The following PTPRN2 variants were observed in gnomAD, a reference collection of about 807,000 sequenced individuals.
PTPRN2 encodes the protein protein tyrosine phosphatase receptor type N2.
PTPRN2 carries 74 observed loss-of-function variants against 118.8 expected under a neutral mutation model. That is an observed-to-expected ratio of 0.62 (90% CI 0.52 to 0.76). The LOEUF (loss-of-function observed/expected upper bound fraction) is 0.76, where lower values mean the gene tolerates loss of function less well. Ranked by LOEUF, PTPRN2 falls within the 30% of genes least tolerant of loss-of-function variation. The pLI, the probability that PTPRN2 is intolerant of heterozygous loss-of-function variation, is 0.00. For synonymous variants in PTPRN2, 641 were observed against 608.0 expected (o/e 1.05, Z -0.80); for missense variants, 1,481 against 1,394.4 (o/e 1.06, Z -0.99).
In PTPRN2 at chr7:158,021,877, T is replaced by C. The variant is rs182259755; in HGVS notation, c.1723+59421A>G. On this transcript the variant is annotated intron_variant, in intron 11 of 22. Coordinates refer to ENST00000389418, the MANE Select transcript of PTPRN2 (RefSeq NM_002847.5). Reference sequence around the variant, plus strand: ...TTATTTACTAAAACAGGTGGGGCTGTCCATGGGTTAGAATCTACCCACCTC... The same window carrying C: ...TTATTTACTAAAACAGGTGGGGCTGCCCATGGGTTAGAATCTACCCACCTC... Among the ~76,000 whole-genome samples, 51 of 152,342 alleles carry C rather than the reference T, an allele frequency of 3.3e-4. 1 individual carries two copies. The highest frequency in any genetic ancestry group is 1.2e-3 in the African/African-American group (50 of 41,578).
At chr7:158,477,053 C>T (rs1586761759) in intron 2 of PTPRN2, among the ~76,000 whole-genome samples, 1 of 152,326 alleles carries the variant, frequency 6.6e-6, no homozygotes, top group East Asian at 1.9e-4. Context: ...TCATTCGTTT[C>T]CATCTCCTTT....
At chr7:157,995,339 G>C (rs1015881688) in intron 11 of PTPRN2, among the ~76,000 whole-genome samples, 1 of 149,254 alleles carries the variant, frequency 6.7e-6, no homozygotes, top group African/African-American at 2.6e-5. Flanking sequence ...CACGTCCCCA[G>C]CTTACAGCTC....
intron 11 of PTPRN2, among the ~76,000 whole-genome samples, chr7:157,995,964 G>A (rs905622702): frequency 1.3e-5 from 2 of 152,210 alleles, no homozygotes; most frequent in Non-Finnish European, 2.9e-5. Flanking sequence ...ATGAAGTTCT[G>A]TCTGTTGCGC....
At chr7:158,120,263 C>T (rs1005139316) in intron 9 of PTPRN2, among the ~76,000 whole-genome samples, 3 of 152,092 alleles carry the variant, frequency 2.0e-5, no homozygotes, top group Non-Finnish European at 4.4e-5. Context: ...GGATGGACAG[C>T]GGTGATGGTT....
chr7:157,720,189 T>C (rs1799152704), intron 12 of PTPRN2, among the ~76,000 whole-genome samples: 1 of 152,220 alleles, frequency 6.6e-6, no homozygotes, highest in Non-Finnish European at 1.5e-5. Context: ...TCCAGATATC[T>C]GCAGTGTTAG....
intron 2 of PTPRN2, among the ~76,000 whole-genome samples, chr7:158,388,952 C>A (rs555641842): frequency 1.3e-5 from 2 of 152,328 alleles, no homozygotes; most frequent in South Asian, 2.1e-4. Flanking sequence ...CAGCTGTGAT[C>A]GATCTGAAGG....
At chr7:157,774,503 G>C (rs1015290592) in intron 12 of PTPRN2, among the ~76,000 whole-genome samples, 2 of 152,232 alleles carry the variant, frequency 1.3e-5, no homozygotes, top group African/African-American at 2.4e-5. Context: ...GAGCTGCAGT[G>C]AGTTTAAGAA....
rs752524978 is a variant in PTPRN2, at chr7:158,587,563, C to T, written c.107G>A (p.Arg36His). ...SVPRGRQLPG[R>H]LGCLLEEGLC... The stretch of plus-strand genomic sequence containing the variant: ...CCCCGGCGCCCCCCACTCACCCAGA[C>T]GCCCCGGGAGCTGCCGGCCGCGGGG... Residue 36 changes from arginine (R) to histidine (H), a missense_variant, in exon 1 of 23, where the codon CGT (arginine) becomes CAT (histidine). Around this residue, in one of 3 missense-constraint regions of PTPRN2, gnomAD observed 1,115 missense variants for 994.2 expected, o/e 1.12. Transcript: ENST00000389418. 262 of 1,329,572 alleles carry T rather than the reference C, an allele frequency of 2.0e-4. 4 individuals are homozygous for T. In the East Asian group the frequency reaches 6.4e-3, roughly 32 times the overall value. The allele number at this position is 1,329,572 out of a possible 1,614,324, so 82.4% of individuals were successfully genotyped here.
At chr7:158,342,729 G>C (rs1289704340) in intron 2 of PTPRN2, among the ~76,000 whole-genome samples, 2 of 152,304 alleles carry the variant, frequency 1.3e-5, no homozygotes, top group Admixed American at 6.5e-5. Context: ...AGAGAGGTTG[G>C]GTGCCTTGCT....
chr7:157,726,632 C>T (rs1799616909), intron 12 of PTPRN2, among the ~76,000 whole-genome samples: 1 of 152,082 alleles, frequency 6.6e-6, no homozygotes, highest in South Asian at 2.1e-4. Context: ...AACACAGGCA[C>T]AAAAGAAAAA....
rs73513248 is a variant in PTPRN2, at chr7:157,827,489, C to A, written c.1788+71184G>T. On this transcript the variant is annotated intron_variant, in intron 12 of 22. Coordinates refer to ENST00000389418, the MANE Select transcript of PTPRN2 (RefSeq NM_002847.5). ...CTGTCTGGGGGCCTGAGAAAGCGTT[C>A]GGGCTGTGTGGGTGGTGGGGGTTGG... Among the ~76,000 whole-genome samples the A allele has an allele frequency of 1.8e-3, 274 of 152,308 alleles. 10 individuals are homozygous for A. The highest frequency in any genetic ancestry group is 0.017 in the Admixed American group (255 of 15,300).
intron 10 of PTPRN2, among the ~76,000 whole-genome samples, chr7:158,081,928 C>T (rs1812871860): frequency 1.3e-5 from 2 of 152,104 alleles, no homozygotes; most frequent in African/African-American, 4.8e-5. Context: ...TGAAAAAATA[C>T]CTTACTTTTT....
At chr7:157,661,384 A>G (rs1297184187) in intron 13 of PTPRN2, among the ~76,000 whole-genome samples, 1 of 152,060 alleles carries the variant, frequency 6.6e-6, no homozygotes, top group Non-Finnish European at 1.5e-5. Flanking sequence ...GCCGTGGGAG[A>G]AGGGTGTGCC....
intron 2 of PTPRN2, among the ~76,000 whole-genome samples, chr7:158,419,838 A>G (rs1815103674): frequency 6.6e-6 from 1 of 152,194 alleles, no homozygotes; most frequent in African/African-American, 2.4e-5. Flanking sequence ...CTCCAAATCC[A>G]AAAGAAGTGG....
chr7:157,627,434 T>C lies in PTPRN2; in HGVS notation c.2197-5925A>G, dbSNP rs1803655518. On this transcript the variant is annotated intron_variant, in intron 14 of 22. Coordinates refer to ENST00000389418, the MANE Select transcript of PTPRN2 (RefSeq NM_002847.5). This position sits in a 1 kb window ranked among gnomAD's most constrained non-coding sequence, Gnocchi z 4.2. ...GTGAAAACAGGGAGCGAAGAATTGG[T>C]GGTGAATCTCAGTCGATGCAGGCTG... 6.6e-6 allele frequency among the ~76,000 whole-genome samples: 1 copy of C among 152,140 alleles called. No homozygotes were observed. Among genetic ancestry groups the C allele is most frequent in the African/African-American group, 2.4e-5 (1 of 41,420 alleles).
chr7:158,279,583 C>G (rs1327196984), intron 3 of PTPRN2, among the ~76,000 whole-genome samples: 1 of 152,236 alleles, frequency 6.6e-6, no homozygotes, highest in Non-Finnish European at 1.5e-5. Flanking sequence ...CTCACGGGAT[C>G]CAGCCTCCAA....
intron 2 of PTPRN2, among the ~76,000 whole-genome samples, chr7:158,421,852 T>G (rs2129423204): frequency 6.6e-6 from 1 of 152,330 alleles, no homozygotes; most frequent in African/African-American, 2.4e-5. Context: ...CTTTGGGCAT[T>G]CTAATAAAGA....
At chr7:158,569,514 C>T (rs949424732) in intron 1 of PTPRN2, among the ~76,000 whole-genome samples, 23 of 152,158 alleles carry the variant, frequency 1.5e-4, no homozygotes, top group Non-Finnish European at 2.9e-4. Flanking sequence ...CCGAGGGGTC[C>T]GGCTCTCAGG....
At chr7:158,110,101 C>A (rs886309304) in intron 10 of PTPRN2, among the ~76,000 whole-genome samples, 7 of 152,226 alleles carry the variant, frequency 4.6e-5, no homozygotes, top group Non-Finnish European at 1.0e-4. Flanking sequence ...CAGGTGGGCA[C>A]ACAGCCCGGG....
Sources: allele counts gnomAD v4.1 joint callset (sites outside exome capture counted in the v4.1 genomes callset), GRCh38; gene constraint gnomAD v4.1.1; regional missense constraint gnomAD v4.1.1; non-coding constraint Gnocchi (gnomAD v3.1); transcripts MANE v1.5; gene names NCBI Gene and HGNC (gene_info 2026-07-23, HGNC 2026-07-21).